TEX2: variants seen among roughly 807,000 people sequenced by gnomAD.
TEX2 encodes the protein testis expressed 2.
A neutral mutation model predicts 106.9 loss-of-function variants in TEX2; 53 were observed. The ratio of observed to expected loss-of-function variants is 0.50; its 90% CI spans 0.40 to 0.62. The LOEUF is 0.62. Among genes scored for constraint, TEX2 ranks in the 20% least tolerant of loss-of-function variants. The pLI is 0.00. For synonymous variants in TEX2, 523 were observed against 534.8 expected, an observed-to-expected ratio of 0.98 and a Z score of 0.30; for missense variants, 1,207 against 1,379.0, an observed-to-expected ratio of 0.88 and a Z score of 1.98.
intron 1 of TEX2, among the ~76,000 whole-genome samples, chr17:64,216,602 G>A (rs114442552): frequency 0.032 from 4,831 of 152,264 alleles, 130 homozygotes; most frequent in South Asian, 0.1. Context: ...AAGAAGGCCT[G>A]GGAATCTAAG....
At chr17:64,227,224 CAAA>C (rs35266239) in intron 1 of TEX2, among the ~76,000 whole-genome samples, 4 of 125,106 alleles carry the variant, frequency 3.2e-5, no homozygotes, top group Non-Finnish European at 3.3e-5. Context: ...GACTCCGTAT[CAAA>C]AAAAAAAAAA....
At position 64,203,100 on chromosome 17, in the gene TEX2, G is replaced by A. The variant is rs574463152; in HGVS notation, c.1645-8005C>T. ...TAAAGTCTGGAAGAACTACTACCGT[G>A]CTTTCAGTTACAGTGCCAATCAGAA... On this transcript the variant is annotated intron_variant, in intron 2 of 11. Transcript: ENST00000584379. Among the ~76,000 whole-genome samples the A allele has an allele frequency of 3.3e-5, 5 of 152,326 alleles. No individual in the cohort carries two copies. In the South Asian group the frequency reaches 1.0e-3, roughly 32 times the overall value.
intron 11 of TEX2, 132 bp downstream of exon 11, chr17:64,150,709 A>G: frequency 1.0e-6 from 1 of 967,956 alleles, no homozygotes; most frequent in Non-Finnish European, 1.5e-6. Flanking sequence ...GATCAAATGT[A>G]ATACTCTTCC....
chr17:64,156,511 T>C (rs2030636558), intron 8 of TEX2, among the ~76,000 whole-genome samples: 1 of 152,204 alleles, frequency 6.6e-6, no homozygotes. Context: ...ATCCACTGGC[T>C]GCAGAGCCAT....
intron 7 of TEX2, among the ~76,000 whole-genome samples, chr17:64,163,399 G>A (rs1001441178): frequency 6.6e-6 from 1 of 152,150 alleles, no homozygotes; most frequent in Admixed American, 6.5e-5. Context: ...CTCCCAAAGT[G>A]CTGGGATTAC....
chr17:64,179,428 G>A (rs559125844), intron 5 of TEX2, among the ~76,000 whole-genome samples: 24 of 152,272 alleles, frequency 1.6e-4, no homozygotes, highest in East Asian at 7.7e-4. Context: ...CAGCAGCAGC[G>A]GCAACCTGCT....
chr17:64,240,795 G>C (rs1201597779), intron 1 of TEX2, among the ~76,000 whole-genome samples: 4 of 152,158 alleles, frequency 2.6e-5, no homozygotes, highest in African/African-American at 9.7e-5. Context: ...GTATTGTGGG[G>C]ATTAAAGGAA....
At chr17:64,198,788 A>C (rs1421794544) in intron 2 of TEX2, among the ~76,000 whole-genome samples, 1 of 152,222 alleles carries the variant, frequency 6.6e-6, no homozygotes, top group Non-Finnish European at 1.5e-5. Flanking sequence ...AGGTACATAG[A>C]ATTACAGATA....
chr17:64,262,343 C>T (rs1192668846), intron 1 of TEX2, among the ~76,000 whole-genome samples: 1 of 152,218 alleles, frequency 6.6e-6, no homozygotes, highest in African/African-American at 2.4e-5. Flanking sequence ...GTAACCATAA[C>T]AACCGATGGT....
Position 64,168,902 on chromosome 17 carries a change from C to CT in TEX2, c.2671+2197dup, listed in dbSNP as rs3070736. 2.6e-3 allele frequency among the ~76,000 whole-genome samples: 280 copies of CT among 106,938 alleles called. 7 individuals are homozygous for CT. The highest frequency in any genetic ancestry group is 4.8e-3 in the South Asian group (16 of 3,364). 70.2% of individuals were successfully genotyped at this position (106,938 alleles called of 152,430 possible). On this transcript the variant is annotated intron_variant, in intron 7 of 11. Coordinates refer to ENST00000584379, the MANE Select transcript of TEX2 (RefSeq NM_001288732.2). ...CTATGCAGTGAACACATAGATGGTG[C>CT]TTTTTTTTTTTTTTTTTGAGACAGA...
intron 1 of TEX2, among the ~76,000 whole-genome samples, chr17:64,249,411 C>T (rs1383034442): frequency 1.3e-5 from 2 of 152,142 alleles, no homozygotes; most frequent in Non-Finnish European, 1.5e-5. Flanking sequence ...AGTTCTGTGA[C>T]AGATCCCACA....
intron 6 of TEX2, among the ~76,000 whole-genome samples, chr17:64,175,592 T>G (rs74604177): frequency 6.6e-6 from 1 of 152,168 alleles, no homozygotes; most frequent in Non-Finnish European, 1.5e-5. Flanking sequence ...GTTGGTGTTG[T>G]TGTTGTTTTT....
At chr17:64,208,491 G>C (rs191061541) in intron 2 of TEX2, among the ~76,000 whole-genome samples, 48 of 149,338 alleles carry the variant, frequency 3.2e-4, no homozygotes, top group Non-Finnish European at 6.4e-4. Flanking sequence ...CCTCTGCCTT[G>C]GCCTTCCAAA....
chr17:64,225,609 A>G (rs1484748165), intron 1 of TEX2, among the ~76,000 whole-genome samples: 3 of 152,228 alleles, frequency 2.0e-5, no homozygotes, highest in Admixed American at 1.3e-4. Context: ...AGAGGAATGA[A>G]TGCCTGGAAG....
Position 64,188,424 on chromosome 17 carries a change from A to C in TEX2, c.2177-9T>G. 6.2e-7 allele frequency: 1 copy of C among 1,614,120 alleles called. No individual in the cohort carries two copies. The highest frequency in any genetic ancestry group is 8.5e-7 in the Non-Finnish European group (1 of 1,179,984). ...GTGTGCAGGCAAAAGCCCTGGAGCC[A>C]AGAAGACGGGGGCTATTCACACAAT... On this transcript the variant is annotated splice_polypyrimidine_tract_variant and intron_variant, in intron 4 of 11. Transcript: ENST00000584379.
At chr17:64,251,286 A>T (rs903442347) in intron 1 of TEX2, among the ~76,000 whole-genome samples, 1 of 152,158 alleles carries the variant, frequency 6.6e-6, no homozygotes, top group East Asian at 1.9e-4. Flanking sequence ...GTTCCGAGGC[A>T]CCACTTTGGT....
chr17:64,240,969 A>G (rs781914944), intron 1 of TEX2, among the ~76,000 whole-genome samples: 3 of 152,224 alleles, frequency 2.0e-5, no homozygotes, highest in Non-Finnish European at 4.4e-5. Context: ...ACTGCTGCTT[A>G]AAAGACTTAG....
At chr17:64,177,568 A>T in intron 5 of TEX2, 97 bp from the exon 6 acceptor site, 1 of 1,326,252 alleles carries the variant, frequency 7.5e-7, no homozygotes, top group African/African-American at 1.5e-5. Context: ...CTCCTTATAG[A>T]AACAGGAGAC....
At chr17:64,149,253 A>G in intron 11 of TEX2, 162 bp from the exon 12 acceptor site, 1 of 708,564 alleles carries the variant, frequency 1.4e-6, no homozygotes, top group Non-Finnish European at 2.2e-6. Flanking sequence ...TACTTTAGAA[A>G]GAGTTGAGGA....
Sources: allele counts gnomAD v4.1 joint callset (sites outside exome capture counted in the v4.1 genomes callset), GRCh38; gene constraint gnomAD v4.1.1; transcripts MANE v1.5; gene names NCBI Gene and HGNC (gene_info 2026-07-23, HGNC 2026-07-21).